ATP5MF: variants seen among roughly 807,000 people sequenced by gnomAD.
The protein encoded by ATP5MF is ATP synthase membrane subunit f.
A neutral mutation model predicts 13.8 loss-of-function variants in ATP5MF; 10 were observed. The observed-to-expected ratio is 0.72, with a 90% CI of 0.45 to 1.23. The LOEUF is 1.23. Among genes scored for constraint, ATP5MF ranks in the 50% most tolerant of loss-of-function variants. The pLI, the probability that ATP5MF is intolerant of heterozygous loss-of-function variation, is 0.00. For synonymous variants in ATP5MF, 40 were observed against 45.8 expected, an observed-to-expected ratio of 0.87 and a Z score of 0.51; for missense variants, 122 against 118.2, an observed-to-expected ratio of 1.03 and a Z score of -0.15.
chr7:99,459,633 G>T (rs1347553750), intron 2 of ATP5MF: 1 of 249,172 alleles, frequency 4.0e-6, no homozygotes, highest in African/African-American at 2.3e-5. Flanking sequence ...GCCTAGGCTG[G>T]TCTAAACTCG....
chr7:99,459,733 A>G (rs1450499305), intron 2 of ATP5MF: 1 of 263,212 alleles, frequency 3.8e-6, no homozygotes, highest in East Asian at 9.6e-5. Flanking sequence ...CATTTCAAAT[A>G]TTTGTCCTGA....
intron 1 of ATP5MF, among the ~76,000 whole-genome samples, chr7:99,462,979 A>G (rs769052059): frequency 6.6e-5 from 10 of 152,234 alleles, no homozygotes; most frequent in Non-Finnish European, 1.0e-4. Context: ...TTCTGGGTTT[A>G]ATGCCATTTT....
intron 1 of ATP5MF, among the ~76,000 whole-genome samples, chr7:99,461,806 C>T (rs1301468215): frequency 1.3e-5 from 2 of 151,562 alleles, no homozygotes; most frequent in South Asian, 2.1e-4. Flanking sequence ...TACAGGCATG[C>T]GCCACGACAC....
chr7:99,460,030 G>C, intron 2 of ATP5MF, 56 bp downstream of exon 2: 1 of 1,547,868 alleles, frequency 6.5e-7, no homozygotes. Flanking sequence ...TGGCAAAAAA[G>C]AGATCTGAAG....
intron 1 of ATP5MF, among the ~76,000 whole-genome samples, chr7:99,461,860 G>A (rs1454303033): frequency 6.6e-6 from 1 of 150,868 alleles, no homozygotes; most frequent in African/African-American, 2.4e-5. Flanking sequence ...GTTTCACCAT[G>A]TTGGCCAGGC....
At position 99,460,270 on chromosome 7, in the gene ATP5MF, C is replaced by T. The variant is rs745686013; in HGVS notation, c.32-77G>A. On this transcript the variant is annotated intron_variant, in intron 1 of 3. Transcript: ENST00000292475. ...CATATGGCATCCTTTCCTGCCACTG[C>T]TTCAACTATGCAATAAAGGTGCATA... The T allele has an allele frequency of 9.9e-6, 15 of 1,508,548 alleles. No homozygotes were observed. In the African/African-American group the frequency reaches 1.8e-4, roughly 18 times the overall value. 93.4% of individuals were successfully genotyped at this position (1,508,548 alleles called of 1,614,324 possible).
intron 1 of ATP5MF, chr7:99,460,457 G>A: frequency 2.9e-6 from 2 of 681,886 alleles, no homozygotes; most frequent in Middle Eastern, 2.5e-4. Context: ...AGTAACTCCA[G>A]AAAAGGGTCT....
At chr7:99,465,568 A>C (rs914781660) in intron 1 of ATP5MF, among the ~76,000 whole-genome samples, 1 of 152,140 alleles carries the variant, frequency 6.6e-6, no homozygotes, top group Non-Finnish European at 1.5e-5. Flanking sequence ...CGTCCTAGAG[A>C]ATAAAGTTCA....
At chr7:99,465,488 A>ACAGCGGGATGT (rs1436179977) in intron 1 of ATP5MF, among the ~76,000 whole-genome samples, 1 of 152,138 alleles carries the variant, frequency 6.6e-6, no homozygotes. Context: ...AAAAATCATC[A>ACAGCGGGATGT]GTGTGCACAG....
At position 99,466,118 on chromosome 7, in the gene ATP5MF, C is replaced by T. The variant is rs756325512; in HGVS notation, c.24G>A (p.Pro8=). The T allele has an allele frequency of 1.2e-6, 2 of 1,614,166 alleles. No individual in the cohort carries two copies. The highest frequency in any genetic ancestry group is 1.1e-5 in the South Asian group (1 of 91,084). ...GAGTCCAAACAGCCTTACCTGGGGC[C>T]GGACACTCACCAACTGACGCCATTT... MASVGEC[P]APVPVKDKKL... Residue 8 remains proline (P), a synonymous_variant, in exon 1 of 4, where the codon CCG becomes CCA. Transcript: ENST00000292475.
intron 1 of ATP5MF, chr7:99,460,492 C>A (rs1798551469): frequency 1.6e-6 from 1 of 624,218 alleles, no homozygotes; most frequent in Non-Finnish European, 3.0e-6. Flanking sequence ...ACGTGGCGGA[C>A]AGGAAAGATT....
Position 99,458,211 on chromosome 7 carries a change from T to G in ATP5MF, c.*116A>C. ...CAGCACACGTACCAGTCATGTTTTA[T>G]TTGGAGGTTAATTCCTATTAGGATA... On this transcript the variant is annotated 3_prime_UTR_variant, in exon 4 of 4. Coordinates refer to ENST00000292475, the MANE Select transcript of ATP5MF (RefSeq NM_004889.5). 1 of 1,096,502 alleles carries G rather than the reference T, an allele frequency of 9.1e-7. No individual in the cohort carries two copies. Among genetic ancestry groups the G allele is most frequent in the South Asian group, 1.5e-5 (1 of 65,182 alleles). The allele number at this position is 1,096,502 out of a possible 1,614,324, so 67.9% of individuals were successfully genotyped here.
chr7:99,460,732 A>C (rs1437305371), intron 1 of ATP5MF, among the ~76,000 whole-genome samples: 1 of 152,092 alleles, frequency 6.6e-6, no homozygotes, highest in Non-Finnish European at 1.5e-5. Flanking sequence ...AACGTACAAG[A>C]GGGGATGTGG....
At position 99,464,611 on chromosome 7, in the gene ATP5MF, T is replaced by C. The variant is rs577590082; in HGVS notation, c.31+1500A>G. ...CCGGGAGGCAGAGCTTGCAGTGAGCTGAGATCGCGCCACTGCACTCCAGCC... is the reference window on the plus strand; with the variant it reads ...CCGGGAGGCAGAGCTTGCAGTGAGCCGAGATCGCGCCACTGCACTCCAGCC... On this transcript the variant is annotated intron_variant, in intron 1 of 3. Coordinates refer to ENST00000292475, the MANE Select transcript of ATP5MF (RefSeq NM_004889.5). 2.8e-4 allele frequency among the ~76,000 whole-genome samples: 42 copies of C among 151,508 alleles called. No individual in the cohort carries two copies. The East Asian group carries it at 7.4e-3, about 27-fold the overall frequency.
intron 1 of ATP5MF, among the ~76,000 whole-genome samples, chr7:99,465,272 A>AT (rs1798818034): frequency 6.6e-6 from 1 of 151,934 alleles, no homozygotes; most frequent in Non-Finnish European, 1.5e-5. Context: ...AAAAAAAATG[A>AT]TAAAAAAAAA....
At chr7:99,460,615 C>T (rs570693073) in intron 1 of ATP5MF, 27 of 463,290 alleles carry the variant, frequency 5.8e-5, no homozygotes, top group South Asian at 3.7e-4. Context: ...GAGGTTGGGC[C>T]ACGTGACCAA....
intron 1 of ATP5MF, among the ~76,000 whole-genome samples, chr7:99,465,397 T>G (rs939131565): frequency 1.3e-5 from 2 of 152,110 alleles, no homozygotes; most frequent in Non-Finnish European, 2.9e-5. Flanking sequence ...ATCTGTAAAA[T>G]GGAATCGACT....
intron 2 of ATP5MF, chr7:99,459,764 CAT>C: frequency 3.4e-6 from 1 of 290,976 alleles, no homozygotes; most frequent in South Asian, 5.3e-5. Context: ...GGGAGGAGAG[CAT>C]CATATTATAG....
At chr7:99,461,988 AT>A (rs1170497441) in intron 1 of ATP5MF, among the ~76,000 whole-genome samples, 1 of 151,336 alleles carries the variant, frequency 6.6e-6, no homozygotes, top group Non-Finnish European at 1.5e-5. Context: ...CAGTGAAGCC[AT>A]TTTTTCACAT....
Sources: allele counts gnomAD v4.1 joint callset (sites outside exome capture counted in the v4.1 genomes callset), GRCh38; gene constraint gnomAD v4.1.1; transcripts MANE v1.5; gene names NCBI Gene and HGNC (gene_info 2026-07-23, HGNC 2026-07-21).